The following H4C13 variants were observed in gnomAD, a reference collection of about 807,000 sequenced individuals.
The protein encoded by H4C13 is H4 clustered histone 13.
Under a neutral mutation model 5.2 loss-of-function variants are expected in H4C13, and 11 were observed. That is an observed-to-expected ratio of 2.13 (90% CI 1.34 to 3.52). The LOEUF (loss-of-function observed/expected upper bound fraction) is 3.52, where lower values mean the gene tolerates loss of function less well. Ranked by LOEUF, H4C13 falls within the 30% of genes most tolerant of loss-of-function variation. H4C13 has a pLI of 0.00. For missense variants in H4C13, 171 were observed against 146.8 expected (o/e 1.17, Z -0.85); for synonymous variants, 94 against 59.4 (o/e 1.58, Z -2.68).
Position 27,873,387 on chromosome 6 carries a change from C to T in H4C13, c.124G>A (p.Gly42Arg). The change falls in exon 1 of 1, where the codon GGA becomes AGA. Residue 42 changes from glycine to arginine, a missense_variant. By Grantham distance (125) the Gly-to-Arg change is moderately radical. Transcript: ENST00000618305. ...AGGCCTGAGATGCGCTTAACGCCTC[C>T]ACGCCGTGCCAGGCGTCGGATGGCG... ...KPAIRRLARR[G>R]GVKRISGLIY... 1.2e-6 allele frequency: 2 copies of T among 1,614,286 alleles called. No homozygotes were observed. Among genetic ancestry groups the T allele is most frequent in the Non-Finnish European group, 1.7e-6 (2 of 1,180,052 alleles).
rs754943535 is a variant in H4C13, at chr6:27,873,238, G to A, written c.273C>T (p.Leu91=). Residue 91 remains leucine (L), a synonymous_variant, in exon 1 of 1, where the codon CTC becomes CTT. Coordinates refer to ENST00000618305, the MANE Select transcript of H4C13 (RefSeq NM_003546.3). ...CATACAGGGTGCGGCCCTGGCGCTTGAGCGCGTAAACCACGTCCATGGCTG... is the reference window on the plus strand; with the variant it reads ...CATACAGGGTGCGGCCCTGGCGCTTAAGCGCGTAAACCACGTCCATGGCTG... ...TVTAMDVVYA[L]KRQGRTLYGF... is the part of the protein sequence containing the mutation. 9.9e-6 allele frequency: 16 copies of A among 1,614,174 alleles called. No individual in the cohort carries two copies. Among genetic ancestry groups the A allele is most frequent in the African/African-American group, 1.3e-5 (1 of 74,964 alleles).
At position 27,873,418 on chromosome 6, in the gene H4C13, G is replaced by A. The variant is rs1259216141; in HGVS notation, c.93C>T (p.Thr31=). 6.2e-7 allele frequency: 1 copy of A among 1,614,290 alleles called. No individual in the cohort carries two copies. Among genetic ancestry groups the A allele is most frequent in the South Asian group, 1.1e-5 (1 of 91,090 alleles). ...GTGCCAGGCGTCGGATGGCGGGCTT[G>A]GTGATGCCCTGAATGTTGTCGCGCA... ...KVLRDNIQGI[T]KPAIRRLARR... The change falls in exon 1 of 1, where the codon ACC becomes ACT. Residue 31 remains threonine, a synonymous_variant. Coordinates refer to ENST00000618305, the MANE Select transcript of H4C13 (RefSeq NM_003546.3).
rs746075343 is a variant in H4C13 at position 27,873,401 on chromosome 6, C to A, written c.110G>T (p.Arg37Leu). ...CTTAACGCCTCCACGCCGTGCCAGG[C>A]GTCGGATGGCGGGCTTGGTGATGCC... ...IQGITKPAIR[R>L]LARRGGVKRI... Residue 37 changes from arginine to leucine, a missense_variant, in exon 1 of 1, where the codon CGC becomes CTC. Coordinates refer to ENST00000618305, the MANE Select transcript of H4C13 (RefSeq NM_003546.3). 4 of 1,614,160 alleles carry A rather than the reference C, an allele frequency of 2.5e-6. No individual in the cohort carries two copies. Among genetic ancestry groups the A allele is most frequent in the South Asian group, 1.1e-5 (1 of 91,096 alleles).
Position 27,873,331 on chromosome 6 carries a change from T to C in H4C13, c.180A>G (p.Lys60=), listed in dbSNP as rs771307672. 5.0e-6 allele frequency: 8 copies of C among 1,614,244 alleles called. No individual in the cohort carries two copies. Among genetic ancestry groups the C allele is most frequent in the Non-Finnish European group, 6.8e-6 (8 of 1,180,012 alleles). The change falls in exon 1 of 1, where the codon AAA becomes AAG. Residue 60 remains lysine, a synonymous_variant. Transcript: ENST00000618305. ...LIYEETRGVL[K]VFLENVIRDA... ...CGCGGATTACATTCTCCAAAAACAC[T>C]TTAAGAACTCCGCGTGTCTCCTCGT...
rs1434993398 is a variant in H4C13, at chr6:27,873,165, G to A, written c.*34C>T. Reference sequence around the variant, plus strand: ...AGACTTCATGGGTGGCCCTGAGAAGGGCCTTTGAGGAACCGTGTAAGTAAG... The same window carrying A: ...AGACTTCATGGGTGGCCCTGAGAAGAGCCTTTGAGGAACCGTGTAAGTAAG... On this transcript the variant is annotated 3_prime_UTR_variant, in exon 1 of 1. Coordinates refer to ENST00000618305, the MANE Select transcript of H4C13 (RefSeq NM_003546.3). 3 of 1,589,774 alleles carry A rather than the reference G, an allele frequency of 1.9e-6. No homozygotes were observed. The highest frequency in any genetic ancestry group is 1.1e-5 in the South Asian group (1 of 87,830).
rs1761654547 is a variant in H4C13 at position 27,873,440 on chromosome 6, C to T, written c.71G>A (p.Arg24His). 6.2e-7 allele frequency: 1 copy of T among 1,614,258 alleles called. No homozygotes were observed. The highest frequency in any genetic ancestry group is 8.5e-7 in the Non-Finnish European group (1 of 1,180,034). The change falls in exon 1 of 1, where the codon CGC becomes CAC. Residue 24 changes from arginine (R) to histidine (H), a missense_variant. Transcript: ENST00000618305. ...CTTGGTGATGCCCTGAATGTTGTCG[C>T]GCAGAACTTTGCGGTGGCGCTTAGC... is the stretch of plus-strand genomic sequence containing the variant. The part of the protein sequence containing the change: ...GGAKRHRKVL[R>H]DNIQGITKPA...
rs1245932537 is a variant in H4C13, at chr6:27,873,345, G to T, written c.166C>A (p.Arg56Ser). ...RISGLIYEET[R>S]GVLKVFLENV... ...TCCAAAAACACTTTAAGAACTCCGC[G>T]TGTCTCCTCGTATATAAGGCCTGAG... The change falls in exon 1 of 1, where the codon CGC (arginine) becomes AGC (serine). Residue 56 changes from arginine to serine, a missense_variant. By Grantham distance (110) the Arg-to-Ser change is moderately radical. Transcript: ENST00000618305. 6.2e-7 allele frequency: 1 copy of T among 1,614,262 alleles called. No homozygotes were observed. The highest frequency in any genetic ancestry group is 8.5e-7 in the Non-Finnish European group (1 of 1,180,048).
At position 27,873,449 on chromosome 6, in the gene H4C13, T is replaced by C. The variant is rs1761654806; in HGVS notation, c.62A>G (p.Lys21Arg). ...GCCCTGAATGTTGTCGCGCAGAACTTTGCGGTGGCGCTTAGCGCCTCCTTT... is the reference window on the plus strand; with the variant it reads ...GCCCTGAATGTTGTCGCGCAGAACTCTGCGGTGGCGCTTAGCGCCTCCTTT... ...LGKGGAKRHR[K>R]VLRDNIQGIT... Residue 21 changes from lysine (K) to arginine (R), a missense_variant, in exon 1 of 1, where the codon AAA becomes AGA. Physicochemically the swap from Lys to Arg is conservative, Grantham distance 26 (BLOSUM62 2). Transcript: ENST00000618305. The C allele has an allele frequency of 3.7e-6, 6 of 1,614,094 alleles. No homozygotes were observed. The African/African-American group carries it at 8.0e-5, about 22-fold the overall frequency.
chr6:27,873,176 A>G lies in H4C13; in HGVS notation c.*23T>C. On this transcript the variant is annotated 3_prime_UTR_variant, in exon 1 of 1. Transcript: ENST00000618305. ...GTGGCCCTGAGAAGGGCCTTTGAGG[A>G]ACCGTGTAAGTAAGTAAAACACTCA... The G allele has an allele frequency of 6.2e-7, 1 of 1,601,864 alleles. No individual in the cohort carries two copies.
Position 27,873,351 on chromosome 6 carries a change from C to T in H4C13, c.160G>A (p.Glu54Lys), listed in dbSNP as rs148995564. Reference sequence around the variant, plus strand: ...AACACTTTAAGAACTCCGCGTGTCTCCTCGTATATAAGGCCTGAGATGCGC... The same window carrying T: ...AACACTTTAAGAACTCCGCGTGTCTTCTCGTATATAAGGCCTGAGATGCGC... ...VKRISGLIYE[E>K]TRGVLKVFLE... is the part of the protein sequence containing the mutation. Residue 54 changes from glutamate to lysine, a missense_variant, in exon 1 of 1, where the codon GAG (glutamate) becomes AAG (lysine). By Grantham distance (56) the Glu-to-Lys change is moderately conservative. Coordinates refer to ENST00000618305, the MANE Select transcript of H4C13 (RefSeq NM_003546.3). 18 of 1,614,164 alleles carry T rather than the reference C, an allele frequency of 1.1e-5. No individual in the cohort carries two copies. The African/African-American group carries it at 2.0e-4, about 18-fold the overall frequency.
rs1761648862 is a variant in H4C13 at position 27,873,281 on chromosome 6, G to C, written c.230C>G (p.Ala77Gly). Residue 77 changes from alanine (A) to glycine (G), a missense_variant, in exon 1 of 1, where the codon GCC becomes GGC. Physicochemically the swap from Ala to Gly is moderately conservative, Grantham distance 60. Coordinates refer to ENST00000618305, the MANE Select transcript of H4C13 (RefSeq NM_003546.3). ...IRDAVTYTEHAKRKTVTAMDV... is the reference protein window; with the variant it reads ...IRDAVTYTEHGKRKTVTAMDV... ...CATGGCTGTGACTGTCTTGCGTTTG[G>C]CGTGCTCCGTGTAGGTAACTGCATC... 1 of 1,614,138 alleles carries C rather than the reference G, an allele frequency of 6.2e-7. No homozygotes were observed. The highest frequency in any genetic ancestry group is 1.3e-5 in the African/African-American group (1 of 74,946).
In H4C13 at chr6:27,873,495, T is replaced by A; in HGVS notation, c.16A>T (p.Lys6Ter). 1 of 1,610,968 alleles carries A rather than the reference T, an allele frequency of 6.2e-7. No homozygotes were observed. Among genetic ancestry groups the A allele is most frequent in the Non-Finnish European group, 8.5e-7 (1 of 1,178,146 alleles). Residue 6 changes from lysine to a stop codon, truncating the protein, a stop_gained, in exon 1 of 1, where the codon AAA (lysine) becomes TAA (stop). Transcript: ENST00000618305. LOFTEE classifies it high-confidence loss of function. MSGRG[K>*]GGKGLGKGGA... ...CCTTTGCCCAGACCCTTCCCGCCTTTGCCGCGCCCAGACATGTCTTGTACT... is the reference window on the plus strand; with the variant it reads ...CCTTTGCCCAGACCCTTCCCGCCTTAGCCGCGCCCAGACATGTCTTGTACT...
In H4C13 at chr6:27,873,493, T is replaced by A; in HGVS notation, c.18A>T (p.Lys6Asn). 6.2e-7 allele frequency: 1 copy of A among 1,610,946 alleles called. No homozygotes were observed. The highest frequency in any genetic ancestry group is 1.1e-5 in the South Asian group (1 of 90,958). The change falls in exon 1 of 1, where the codon AAA becomes AAT. Residue 6 changes from lysine (K) to asparagine (N), a missense_variant. Lys to Asn is a moderately conservative substitution (Grantham distance 94). Transcript: ENST00000618305. The part of the protein sequence containing the change: MSGRG[K>N]GGKGLGKGGA... ...CTCCTTTGCCCAGACCCTTCCCGCCTTTGCCGCGCCCAGACATGTCTTGTA... is the reference window on the plus strand; with the variant it reads ...CTCCTTTGCCCAGACCCTTCCCGCCATTGCCGCGCCCAGACATGTCTTGTA...
Position 27,873,356 on chromosome 6 carries a change from T to C in H4C13, c.155A>G (p.Tyr52Cys). The part of the protein sequence containing the change: ...GGVKRISGLI[Y>C]EETRGVLKVF... ...TTTAAGAACTCCGCGTGTCTCCTCG[T>C]ATATAAGGCCTGAGATGCGCTTAAC... Residue 52 changes from tyrosine (Y) to cysteine (C), a missense_variant, in exon 1 of 1, where the codon TAC becomes TGC. Physicochemically the swap from Tyr to Cys is radical, Grantham distance 194. Transcript: ENST00000618305. 1.2e-6 allele frequency: 2 copies of C among 1,614,266 alleles called. No individual in the cohort carries two copies.
Position 27,873,498 on chromosome 6 carries a change from C to G in H4C13, c.13G>C (p.Gly5Arg). ...TTGCCCAGACCCTTCCCGCCTTTGC[C>G]GCGCCCAGACATGTCTTGTACTAAA... MSGR[G>R]KGGKGLGKGG... The change falls in exon 1 of 1, where the codon GGC becomes CGC. Residue 5 changes from glycine (G) to arginine (R), a missense_variant. By Grantham distance (125) the Gly-to-Arg change is moderately radical. Transcript: ENST00000618305. The G allele has an allele frequency of 6.2e-7, 1 of 1,610,488 alleles. No homozygotes were observed. The highest frequency in any genetic ancestry group is 8.5e-7 in the Non-Finnish European group (1 of 1,177,846).
Position 27,873,463 on chromosome 6 carries a change from A to G in H4C13, c.48T>C (p.Ala16=), listed in dbSNP as rs780276110. The G allele has an allele frequency of 3.1e-6, 5 of 1,614,010 alleles. No individual in the cohort carries two copies. The East Asian group carries it at 8.9e-5, about 29-fold the overall frequency. ...CGCGCAGAACTTTGCGGTGGCGCTT[A>G]GCGCCTCCTTTGCCCAGACCCTTCC... ...KGGKGLGKGG[A]KRHRKVLRDN... is the part of the protein sequence containing the mutation. Residue 16 remains alanine (A), a synonymous_variant, in exon 1 of 1, where the codon GCT becomes GCC. Transcript: ENST00000618305.
rs1360964071 is a variant in H4C13, at chr6:27,873,447, C to A, written c.64G>T (p.Val22Phe). The A allele has an allele frequency of 1.2e-6, 2 of 1,614,250 alleles. No individual in the cohort carries two copies. The highest frequency in any genetic ancestry group is 1.7e-6 in the Non-Finnish European group (2 of 1,180,016). The change falls in exon 1 of 1, where the codon GTT becomes TTT. Residue 22 changes from valine (V) to phenylalanine (F), a missense_variant. By Grantham distance (50) the Val-to-Phe change is conservative. Transcript: ENST00000618305. The part of the protein sequence containing the change: ...GKGGAKRHRK[V>F]LRDNIQGITK... Reference sequence around the variant, plus strand: ...ATGCCCTGAATGTTGTCGCGCAGAACTTTGCGGTGGCGCTTAGCGCCTCCT... The same window carrying A: ...ATGCCCTGAATGTTGTCGCGCAGAAATTTGCGGTGGCGCTTAGCGCCTCCT...
At position 27,873,242 on chromosome 6, in the gene H4C13, G is replaced by T. The variant is rs748028918; in HGVS notation, c.269C>A (p.Ala90Glu). The T allele has an allele frequency of 1.2e-6, 2 of 1,614,288 alleles. No homozygotes were observed. The stretch of plus-strand genomic sequence containing the variant: ...CAGGGTGCGGCCCTGGCGCTTGAGC[G>T]CGTAAACCACGTCCATGGCTGTGAC... Reference protein sequence around the residue: ...KTVTAMDVVYALKRQGRTLYG... With the variant: ...KTVTAMDVVYELKRQGRTLYG... Residue 90 changes from alanine (A) to glutamate (E), a missense_variant, in exon 1 of 1, where the codon GCG becomes GAG. Coordinates refer to ENST00000618305, the MANE Select transcript of H4C13 (RefSeq NM_003546.3).
Position 27,873,226 on chromosome 6 carries a change from G to A in H4C13, c.285C>T (p.Gly95=). The change falls in exon 1 of 1, where the codon GGC becomes GGT. Residue 95 remains glycine, a synonymous_variant. Coordinates refer to ENST00000618305, the MANE Select transcript of H4C13 (RefSeq NM_003546.3). ...MDVVYALKRQ[G]RTLYGFGG Reference sequence around the variant, plus strand: ...AGCCGCCAAAGCCATACAGGGTGCGGCCCTGGCGCTTGAGCGCGTAAACCA... The same window carrying A: ...AGCCGCCAAAGCCATACAGGGTGCGACCCTGGCGCTTGAGCGCGTAAACCA... 6.2e-7 allele frequency: 1 copy of A among 1,614,256 alleles called. No individual in the cohort carries two copies. Among genetic ancestry groups the A allele is most frequent in the Non-Finnish European group, 8.5e-7 (1 of 1,180,030 alleles).
Sources: gnomAD v4.1 joint callset for allele counts on GRCh38, gnomAD v4.1.1 for gene constraint, MANE v1.5 for transcripts, NCBI Gene and HGNC (gene_info 2026-07-23, HGNC 2026-07-21) for gene names.